Variants in APOBEC3B observed in about 807,000 individuals in gnomAD.
APOBEC3B encodes the protein DNA dC->dU-editing enzyme APOBEC-3B.
A neutral mutation model predicts 53.4 loss-of-function variants in APOBEC3B; 29 were observed. That is an observed-to-expected ratio of 0.54 (90% CI 0.40 to 0.74). The LOEUF is 0.74. Among genes scored for constraint, APOBEC3B ranks in the 30% least tolerant of loss-of-function variants. The pLI is 0.00. For synonymous variants in APOBEC3B, 132 were observed against 184.8 expected, an observed-to-expected ratio of 0.71 and a Z score of 2.32; for missense variants, 347 against 496.2, an observed-to-expected ratio of 0.70 and a Z score of 2.86.
intron 1 of APOBEC3B, 60 bp downstream of exon 1, chr22:38,982,530 C>A: frequency 6.3e-7 from 1 of 1,581,660 alleles, no homozygotes; most frequent in African/African-American, 1.3e-5. Context: ...GGTGGTCCTG[C>A]TGGGCCTCAA....
chr22:38,988,837 G>GC lies in APOBEC3B; in HGVS notation c.570-618dup, dbSNP rs748850096. 4.6e-4 allele frequency among the ~76,000 whole-genome samples: 67 copies of GC among 145,934 alleles called. 2 individuals are homozygous for GC. The highest frequency in any genetic ancestry group is 8.8e-4 in the Non-Finnish European group (59 of 66,720). ...GTTTTGTCAGGATGTCTACAGAGGG[G>GC]CCGGGAGAGGCCTTCAAGGTGGGGC... On this transcript the variant is annotated intron_variant, in intron 4 of 7. Transcript: ENST00000333467.
Position 38,984,940 on chromosome 22 carries a change from C to A in APOBEC3B, c.174+709C>A, listed in dbSNP as rs1394020352. On this transcript the variant is annotated intron_variant, in intron 2 of 7. Coordinates refer to ENST00000333467, the MANE Select transcript of APOBEC3B (RefSeq NM_004900.5). ...TTTCCGAGATGGAGTCTCGCTCTGG[C>A]ACCCAGGTTGGAGTGCAATTGCACA... Among the ~76,000 whole-genome samples the A allele has an allele frequency of 1.5e-5, 2 of 132,808 alleles. 1 individual carries two copies. The highest frequency in any genetic ancestry group is 3.1e-5 in the Non-Finnish European group (2 of 63,962). The allele number at this position is 132,808 out of a possible 152,430, so 87.1% of individuals were successfully genotyped here. A position where few individuals can be genotyped will look rare whatever the true frequency, so the allele number is the denominator to read the frequency against.
At chr22:38,990,612 T>A (rs1452065261) in intron 5 of APOBEC3B, among the ~76,000 whole-genome samples, 2 of 148,008 alleles carry the variant, frequency 1.4e-5, no homozygotes, top group Non-Finnish European at 3.0e-5. Context: ...CTGCTGGTCT[T>A]CTCTTCCCCA....
Position 38,989,477 on chromosome 22 carries a change from C to G in APOBEC3B, c.590C>G (p.Thr197Arg). 4 of 1,580,070 alleles carry G rather than the reference C, an allele frequency of 2.5e-6. No individual in the cohort carries two copies. Among genetic ancestry groups the G allele is most frequent in the Non-Finnish European group, 3.4e-6 (4 of 1,162,490 alleles). The change falls in exon 5 of 8, where the codon ACA (threonine) becomes AGA (arginine). Residue 197 changes from threonine to arginine, a missense_variant. Physicochemically the swap from Thr to Arg is moderately conservative, Grantham distance 71 (BLOSUM62 -1). Transcript: ENST00000333467. The part of the protein sequence containing the change: ...EILRYLMDPD[T>R]FTFNFNNDPL... Reference sequence around the variant, plus strand: ...CACAGATACCTGATGGATCCAGACACATTCACTTTCAACTTTAATAATGAC... The same window carrying G: ...CACAGATACCTGATGGATCCAGACAGATTCACTTTCAACTTTAATAATGAC...
At chr22:38,989,732 C>A in intron 5 of APOBEC3B, 122 bp downstream of exon 5, 1 of 1,038,346 alleles carries the variant, frequency 9.6e-7, no homozygotes. Context: ...CTTCCTGCAG[C>A]TGCTGCTGCT....
chr22:38,991,961 G>A lies in APOBEC3B; in HGVS notation c.1019-73G>A, dbSNP rs1395379197. ...AACCAGGATGTGGGAAGTCTGTCCT[G>A]AGAGTCATGGGCCCTTGGTGCTGCC... On this transcript the variant is annotated intron_variant, in intron 6 of 7. Transcript: ENST00000333467. The A allele has an allele frequency of 3.0e-5, 44 of 1,474,344 alleles. 4 individuals are homozygous for A. The highest frequency in any genetic ancestry group is 3.4e-5 in the Non-Finnish European group (38 of 1,113,568). The allele number at this position is 1,474,344 out of a possible 1,614,324, so 91.3% of individuals were successfully genotyped here. A position where few individuals can be genotyped will look rare whatever the true frequency, so the allele number is the denominator to read the frequency against.
At position 38,990,136 on chromosome 22, in the gene APOBEC3B, C is replaced by G. The variant is rs374006378; in HGVS notation, c.723+526C>G. Reference sequence around the variant, plus strand: ...GGCCAGGCTAGGCTGGCCAGGAGCCCTGAGCCCAAGGGACTTTCTTCCCTG... The same window carrying G: ...GGCCAGGCTAGGCTGGCCAGGAGCCGTGAGCCCAAGGGACTTTCTTCCCTG... On this transcript the variant is annotated intron_variant, in intron 5 of 7. Transcript: ENST00000333467. Among the ~76,000 whole-genome samples the G allele has an allele frequency of 6.4e-5, 5 of 78,092 alleles. 1 individual carries two copies. The East Asian group carries it at 2.2e-3, about 34-fold the overall frequency. The allele number at this position is 78,092 out of a possible 152,430, so 51.2% of individuals were successfully genotyped here. A position where few individuals can be genotyped will look rare whatever the true frequency, so the allele number is the denominator to read the frequency against.
In APOBEC3B at chr22:38,992,073, G is replaced by A; in HGVS notation, c.1058G>A (p.Gly353Glu). 2.5e-6 allele frequency: 4 copies of A among 1,591,724 alleles called. 1 individual carries two copies. The highest frequency in any genetic ancestry group is 3.4e-6 in the Non-Finnish European group (4 of 1,171,846). ...YCWDTFVYRQGCPFQPWDGLE... is the reference protein window; with the variant it reads ...YCWDTFVYRQECPFQPWDGLE... Reference sequence around the variant, plus strand: ...TGGGACACCTTTGTGTACCGCCAGGGATGTCCCTTCCAGCCCTGGGATGGA... The same window carrying A: ...TGGGACACCTTTGTGTACCGCCAGGAATGTCCCTTCCAGCCCTGGGATGGA... The change falls in exon 7 of 8, where the codon GGA becomes GAA. Residue 353 changes from glycine to glutamate, a missense_variant. Transcript: ENST00000333467.
intron 4 of APOBEC3B, 25 bp downstream of exon 4, chr22:38,986,437 C>A (rs765329368): frequency 6.3e-7 from 1 of 1,586,842 alleles, no homozygotes; most frequent in Non-Finnish European, 8.6e-7. Flanking sequence ...CTGGCCTCAT[C>A]ATCTCTCTCC....
In APOBEC3B at chr22:38,992,077, T is replaced by C. The variant is rs766512477; in HGVS notation, c.1062T>C (p.Cys354=). ...CWDTFVYRQG[C]PFQPWDGLEE... ...ACACCTTTGTGTACCGCCAGGGATG[T>C]CCCTTCCAGCCCTGGGATGGACTAG... Residue 354 remains cysteine, a synonymous_variant, in exon 7 of 8, where the codon TGT becomes TGC. Coordinates refer to ENST00000333467, the MANE Select transcript of APOBEC3B (RefSeq NM_004900.5). 2 of 1,591,738 alleles carry C rather than the reference T, an allele frequency of 1.3e-6. No individual in the cohort carries two copies. The highest frequency in any genetic ancestry group is 1.1e-5 in the South Asian group (1 of 88,588).
Position 38,986,290 on chromosome 22 carries a change from C to A in APOBEC3B, c.455-8C>A, listed in dbSNP as rs1288338655. 1.3e-6 allele frequency: 2 copies of A among 1,592,428 alleles called. No homozygotes were observed. The highest frequency in any genetic ancestry group is 2.7e-5 in the African/African-American group (2 of 74,216). On this transcript the variant is annotated splice_polypyrimidine_tract_variant and splice_region_variant and intron_variant, in intron 3 of 7. Transcript: ENST00000333467. ...AGAGCCTGACTGCTTCCCGCTTCTTCATCTCAGAATTTGCATACTGCTGGG... is the reference window on the plus strand; with the variant it reads ...AGAGCCTGACTGCTTCCCGCTTCTTAATCTCAGAATTTGCATACTGCTGGG...
intron 4 of APOBEC3B, among the ~76,000 whole-genome samples, chr22:38,987,227 C>T (rs1044295109): frequency 6.7e-6 from 1 of 148,866 alleles, no homozygotes; most frequent in Non-Finnish European, 1.5e-5. Flanking sequence ...CTGCCCTTTC[C>T]TGCCTGGTGG....
At chr22:38,985,714 C>T in intron 2 of APOBEC3B, 98 bp from the exon 3 acceptor site, 2 of 1,053,682 alleles carry the variant, frequency 1.9e-6, no homozygotes, top group South Asian at 1.7e-5. Flanking sequence ...GGCAAGATCC[C>T]CTGGGCTCCT....
chr22:38,988,025 G>A (rs1278081388), intron 4 of APOBEC3B, among the ~76,000 whole-genome samples: 1 of 148,612 alleles, frequency 6.7e-6, no homozygotes, highest in African/African-American at 2.4e-5. Flanking sequence ...TTGAACCCGG[G>A]AGGGACAGCA....
intron 1 of APOBEC3B, among the ~76,000 whole-genome samples, chr22:38,983,836 C>G (rs1923626751): frequency 6.7e-6 from 1 of 148,312 alleles, no homozygotes; most frequent in African/African-American, 2.5e-5. Flanking sequence ...GGGAATGTAC[C>G]CCTGGAAAGG....
At chr22:38,982,527 C>T (rs1194048402) in intron 1 of APOBEC3B, 57 bp downstream of exon 1, 1 of 1,583,206 alleles carries the variant, frequency 6.3e-7, no homozygotes, top group Non-Finnish European at 8.6e-7. Flanking sequence ...CCTGGTGGTC[C>T]TGCTGGGCCT....
In APOBEC3B at chr22:38,989,463, G is replaced by A. The variant is rs753084597; in HGVS notation, c.576G>A (p.Leu192=). The A allele has an allele frequency of 1.3e-6, 2 of 1,567,952 alleles. No individual in the cohort carries two copies. Among genetic ancestry groups the A allele is most frequent in the Admixed American group, 1.8e-5 (1 of 55,476 alleles). ...HRTLKEILRY[L]MDPDTFTFNF... ...CCCCTGTCTTTGTCCACAGATACCT[G>A]ATGGATCCAGACACATTCACTTTCA... Residue 192 remains leucine, a synonymous_variant, in exon 5 of 8, where the codon CTG becomes CTA. Transcript: ENST00000333467.
chr22:38,986,602 A>G (rs538056483), intron 4 of APOBEC3B, among the ~76,000 whole-genome samples, 190 bp downstream of exon 4: 1 of 146,414 alleles, frequency 6.8e-6, no homozygotes, highest in South Asian at 2.3e-4. Context: ...CCTTCCTGTG[A>G]GTAAGAGGCC....
Position 38,992,748 on chromosome 22 carries a change from A to G in APOBEC3B, c.*303A>G. 2.8e-6 allele frequency: 2 copies of G among 721,274 alleles called. No homozygotes were observed. The highest frequency in any genetic ancestry group is 2.0e-5 in the South Asian group (1 of 49,826). 44.7% of individuals were successfully genotyped at this position (721,274 alleles called of 1,614,324 possible). A position where few individuals can be genotyped will look rare whatever the true frequency, so the allele number is the denominator to read the frequency against. On this transcript the variant is annotated 3_prime_UTR_variant, in exon 8 of 8. Coordinates refer to ENST00000333467, the MANE Select transcript of APOBEC3B (RefSeq NM_004900.5). ...CCATATTTAGACTAATAAAACATTA[A>G]GAATCTTCCATAATTGTTTCCACAA...
Sources: gnomAD v4.1 joint callset for allele counts (sites outside exome capture counted in the v4.1 genomes callset) on GRCh38, gnomAD v4.1.1 for gene constraint, MANE v1.5 for transcripts, NCBI Gene and HGNC (gene_info 2026-07-23, HGNC 2026-07-21) for gene names.